Variants in PBX3 observed in about 807,000 individuals in gnomAD.
PBX3 encodes the protein PBX homeobox 3.
Under a neutral mutation model 48.5 loss-of-function variants are expected in PBX3, and 14 were observed. That is an observed-to-expected ratio of 0.29 (90% CI 0.19 to 0.45). The LOEUF (loss-of-function observed/expected upper bound fraction) is 0.45, where lower values mean the gene tolerates loss of function less well. Among genes scored for constraint, PBX3 ranks in the 20% least tolerant of loss-of-function variants. The pLI is 1.00. For missense variants in PBX3, 386 were observed against 546.7 expected, an observed-to-expected ratio of 0.71 and a Z score of 2.93; for synonymous variants, 210 against 200.3, an observed-to-expected ratio of 1.05 and a Z score of -0.41.
intron 2 of PBX3, among the ~76,000 whole-genome samples, chr9:125,839,203 A>G (rs1839219576): frequency 6.6e-6 from 1 of 152,194 alleles, no homozygotes; most frequent in South Asian, 2.1e-4. Flanking sequence ...GAAATTGTAC[A>G]TGAAAACATA....
rs1373803350 is a variant in PBX3, at chr9:125,960,812, G to A, written c.972G>A (p.Gln324=). The A allele has an allele frequency of 3.1e-6, 5 of 1,614,046 alleles. No homozygotes were observed. The African/African-American group carries it at 5.3e-5, about 17-fold the overall frequency. The change falls in exon 6 of 9, where the codon CAG becomes CAA. Residue 324 remains glutamine, a synonymous_variant. Transcript: ENST00000373489. The stretch of plus-strand genomic sequence containing the variant: ...CACACGCAGTAGCAGCAGCTGTGCA[G>A]AACAACCAGACCAATTCGCCCACCA... ...TAAHAVAAAV[Q]NNQTNSPTTP...
chr9:125,795,407 G>C (rs1353002537), intron 2 of PBX3, among the ~76,000 whole-genome samples: 1 of 152,198 alleles, frequency 6.6e-6, no homozygotes, highest in Non-Finnish European at 1.5e-5. Context: ...TTTAGGAAAA[G>C]AGGTTCTACC....
chr9:125,766,642 C>T (rs1434905362), intron 2 of PBX3, among the ~76,000 whole-genome samples: 1 of 152,038 alleles, frequency 6.6e-6, no homozygotes, highest in Non-Finnish European at 1.5e-5. Context: ...TGACAAGAGA[C>T]ATTTTGCTGA....
intron 2 of PBX3, among the ~76,000 whole-genome samples, chr9:125,804,727 TCAGGAGTTCAAGA>T (rs1324537215): frequency 6.6e-6 from 1 of 152,020 alleles, no homozygotes; most frequent in Non-Finnish European, 1.5e-5. Flanking sequence ...TCACCTGAGA[TCAGGAGTTCAAGA>T]CCAGCCTGGA....
intron 5 of PBX3, among the ~76,000 whole-genome samples, chr9:125,943,389 AAAAAAAAAAAG>A: frequency 7.4e-6 from 1 of 136,000 alleles, no homozygotes; most frequent in African/African-American, 3.1e-5. Flanking sequence ...AAAAAAAAAA[AAAAAAAAAAAG>A]AAAGGAGAGA....
intron 2 of PBX3, among the ~76,000 whole-genome samples, chr9:125,846,728 A>C (rs1166513675): frequency 6.6e-6 from 1 of 152,068 alleles, no homozygotes; most frequent in Admixed American, 6.6e-5. Context: ...CCCCTAAGAA[A>C]TCTTTAAAAA....
In PBX3 at chr9:125,826,040, A is replaced by G. The variant is rs903816660; in HGVS notation, c.274+77417A>G. 5.9e-5 allele frequency among the ~76,000 whole-genome samples: 9 copies of G among 152,202 alleles called. No individual in the cohort carries two copies. In the East Asian group the frequency reaches 1.7e-3, roughly 29 times the overall value. ...TAAATTCTACCATTATCTTTGAGAA[A>G]GGCAATAACGTTAATATTTAACTAG... On this transcript the variant is annotated intron_variant, in intron 2 of 8. Transcript: ENST00000373489.
Position 125,926,801 on chromosome 9 carries a change from C to G in PBX3, c.517-2854C>G, listed in dbSNP as rs1478728811. 2.6e-5 allele frequency among the ~76,000 whole-genome samples: 4 copies of G among 152,176 alleles called. No individual in the cohort carries two copies. The East Asian group carries it at 7.7e-4, about 29-fold the overall frequency. ...TGCCATTGCACCACAGCCTGGGTAA[C>G]AAGAGCTAAACTCCGTCTCAAAAAA... is the stretch of plus-strand genomic sequence containing the variant. On this transcript the variant is annotated intron_variant, in intron 3 of 8. Transcript: ENST00000373489.
chr9:125,775,384 T>C (rs1162249713), intron 2 of PBX3, among the ~76,000 whole-genome samples: 2 of 152,222 alleles, frequency 1.3e-5, no homozygotes, highest in African/African-American at 4.8e-5. Context: ...TTAGGTCTTA[T>C]ATTTAGGTGG....
At chr9:125,797,107 T>C (rs1199522503) in intron 2 of PBX3, among the ~76,000 whole-genome samples, 1 of 152,082 alleles carries the variant, frequency 6.6e-6, no homozygotes. Flanking sequence ...TATAATACTA[T>C]AGTGACTAAG....
intron 2 of PBX3, among the ~76,000 whole-genome samples, chr9:125,906,310 C>T (rs1404332025): frequency 6.6e-6 from 1 of 151,958 alleles, no homozygotes; most frequent in Admixed American, 6.6e-5. Context: ...GACCCTCATG[C>T]CGTATTTACT....
intron 4 of PBX3, among the ~76,000 whole-genome samples, chr9:125,930,491 T>G (rs1220106880): frequency 6.6e-6 from 1 of 152,208 alleles, no homozygotes; most frequent in Non-Finnish European, 1.5e-5. Context: ...GCTGCCCCTG[T>G]AGGGATGCCT....
At position 125,848,426 on chromosome 9, in the gene PBX3, G is replaced by A. The variant is rs370716865; in HGVS notation, c.275-67260G>A. 4.6e-5 allele frequency among the ~76,000 whole-genome samples: 7 copies of A among 151,990 alleles called. 1 individual carries two copies. Among genetic ancestry groups the A allele is most frequent in the East Asian group, 3.9e-4 (2 of 5,180 alleles). On this transcript the variant is annotated intron_variant, in intron 2 of 8. Coordinates refer to ENST00000373489, the MANE Select transcript of PBX3 (RefSeq NM_006195.6). ...GCATGTCATTATTTTGCCTTCCCAG[G>A]AGTACAATAGTTGTGTCTTATACTA...
intron 2 of PBX3, among the ~76,000 whole-genome samples, chr9:125,801,894 A>G (rs1430182104): frequency 6.6e-6 from 1 of 151,930 alleles, no homozygotes; most frequent in Non-Finnish European, 1.5e-5. Flanking sequence ...ACTCCAGTGT[A>G]TATTTCATTT....
intron 2 of PBX3, among the ~76,000 whole-genome samples, chr9:125,868,458 A>C (rs1840041144): frequency 6.6e-6 from 1 of 152,206 alleles, no homozygotes; most frequent in African/African-American, 2.4e-5. Context: ...TTCATTTCCA[A>C]AGCATGGCTG....
At chr9:125,928,392 A>ATTGTG in intron 3 of PBX3, among the ~76,000 whole-genome samples, 1 of 140,284 alleles carries the variant, frequency 7.1e-6, no homozygotes, top group East Asian at 2.1e-4. Flanking sequence ...GGGGAAACAA[A>ATTGTG]TGTGTGTGTG....
intron 2 of PBX3, among the ~76,000 whole-genome samples, chr9:125,779,932 G>A (rs1386226050): frequency 2.5e-5 from 3 of 122,288 alleles, no homozygotes; most frequent in East Asian, 5.8e-4. Context: ...CTGGCCGGGC[G>A]GGGGGCTGAC....
At chr9:125,748,679 T>TCCG in intron 2 of PBX3, 56 bp downstream of exon 2, 1 of 1,360,414 alleles carries the variant, frequency 7.4e-7, no homozygotes, top group Non-Finnish European at 1.0e-6. Context: ...GGGTCGGAGC[T>TCCG]ACTCCTTCGA....
In PBX3 at chr9:125,759,333, A is replaced by G. The variant is rs543020519; in HGVS notation, c.274+10710A>G. Among the ~76,000 whole-genome samples, 2 of 152,294 alleles carry G rather than the reference A, an allele frequency of 1.3e-5. No homozygotes were observed. Among genetic ancestry groups the G allele is most frequent in the Non-Finnish European group, 2.9e-5 (2 of 68,020 alleles). ...TCTGTTGTTAAAGTGGCCCCTAGTG[A>G]TAGTGCTGCAGTGACTAGATAGAGC... On this transcript the variant is annotated intron_variant, in intron 2 of 8. Coordinates refer to ENST00000373489, the MANE Select transcript of PBX3 (RefSeq NM_006195.6). This position sits in a 1 kb window ranked among gnomAD's most constrained non-coding sequence, Gnocchi z 4.2.
Sources: allele counts gnomAD v4.1 joint callset (sites outside exome capture counted in the v4.1 genomes callset), GRCh38; gene constraint gnomAD v4.1.1; non-coding constraint Gnocchi (gnomAD v3.1); transcripts MANE v1.5; gene names NCBI Gene and HGNC (gene_info 2026-07-23, HGNC 2026-07-21).